The following CALN1 variants were observed in gnomAD, a reference collection of about 807,000 sequenced individuals.
The protein encoded by CALN1 is calcium-binding protein 8.
In CALN1, 17 loss-of-function variants were observed where a neutral mutation model predicts 30.6. The ratio of observed to expected loss-of-function variants is 0.56; its 90% CI spans 0.38 to 0.83. The LOEUF (loss-of-function observed/expected upper bound fraction) is 0.83. Among genes scored for constraint, CALN1 ranks in the 40% least tolerant of loss-of-function variants. CALN1 has a pLI of 0.00. For missense variants in CALN1, 291 were observed against 354.9 expected, an observed-to-expected ratio of 0.82 and a Z score of 1.45; for synonymous variants, 156 against 131.4, an observed-to-expected ratio of 1.19 and a Z score of -1.28.
At chr7:72,352,927 A>G (rs1184859466) in intron 2 of CALN1, among the ~76,000 whole-genome samples, 4 of 152,192 alleles carry the variant, frequency 2.6e-5, no homozygotes, top group African/African-American at 9.6e-5. Context: ...TCCTAACGAT[A>G]TAAAAAAGAA....
chr7:71,990,284 T>C (rs2129527770), intron 5 of CALN1, among the ~76,000 whole-genome samples: 1 of 152,206 alleles, frequency 6.6e-6, no homozygotes, highest in African/African-American at 2.4e-5. Flanking sequence ...GCCATGGCAA[T>C]GTCATATGGC....
At chr7:72,045,232 A>T (rs1250262480) in intron 4 of CALN1, among the ~76,000 whole-genome samples, 1 of 152,176 alleles carries the variant, frequency 6.6e-6, no homozygotes, top group African/African-American at 2.4e-5. Flanking sequence ...CTGCCAGGAA[A>T]GGGTAGGAAG....
intron 3 of CALN1, among the ~76,000 whole-genome samples, chr7:72,114,239 A>G (rs1807779681): frequency 1.3e-5 from 1 of 75,924 alleles, no homozygotes; most frequent in African/African-American, 5.4e-5. Context: ...GTAAAAATAA[A>G]AGTTGAAGGG....
intron 5 of CALN1, among the ~76,000 whole-genome samples, chr7:72,007,021 ACT>A (rs756851180): frequency 7.9e-5 from 12 of 151,926 alleles, no homozygotes; most frequent in Non-Finnish European, 1.8e-4. Flanking sequence ...TCATATCCAA[ACT>A]CCACACACTG....
intron 2 of CALN1, among the ~76,000 whole-genome samples, chr7:72,349,710 A>C (rs571831083): frequency 1.3e-5 from 2 of 152,332 alleles, no homozygotes; most frequent in East Asian, 1.9e-4. Context: ...GCTTATTTTC[A>C]AATGCTTATT....
chr7:71,797,465 A>C (rs1786998227), intron 6 of CALN1, among the ~76,000 whole-genome samples: 1 of 152,182 alleles, frequency 6.6e-6, no homozygotes, highest in Non-Finnish European at 1.5e-5. Context: ...TACACCAATG[A>C]TATCAGAAAT....
At chr7:71,882,129 T>A (rs1195666858) in intron 5 of CALN1, among the ~76,000 whole-genome samples, 3 of 152,178 alleles carry the variant, frequency 2.0e-5, no homozygotes, top group African/African-American at 7.2e-5. Flanking sequence ...ACGTTCCTTC[T>A]GGAAGCTCTA....
At chr7:71,808,839 C>T (rs1034986359) in intron 6 of CALN1, among the ~76,000 whole-genome samples, 6 of 152,110 alleles carry the variant, frequency 3.9e-5, no homozygotes, top group African/African-American at 7.2e-5. Context: ...CTGTCAGCCC[C>T]GAGCGAGATG....
At chr7:72,210,105 G>A (rs1354064075) in intron 3 of CALN1, among the ~76,000 whole-genome samples, 1 of 152,038 alleles carries the variant, frequency 6.6e-6, no homozygotes, top group Non-Finnish European at 1.5e-5. Context: ...CTATGAAGAA[G>A]GACAACTGCA....
chr7:72,076,134 C>T (rs1804709977), intron 4 of CALN1, among the ~76,000 whole-genome samples: 1 of 151,976 alleles, frequency 6.6e-6, no homozygotes, highest in Non-Finnish European at 1.5e-5. Flanking sequence ...GGCCAAGGAC[C>T]TCATTTCAAA....
chr7:72,464,759 T>G, the CALN1 span, among the ~76,000 whole-genome samples: 1 of 152,226 alleles, frequency 6.6e-6, no homozygotes, highest in Non-Finnish European at 1.5e-5. Flanking sequence ...CTGGCACTGA[T>G]AAGTTGGCTA....
intron 6 of CALN1, among the ~76,000 whole-genome samples, chr7:71,806,943 G>T (rs1163399992): frequency 6.6e-6 from 1 of 152,198 alleles, no homozygotes; most frequent in Non-Finnish European, 1.5e-5. Flanking sequence ...TGCTGTCTCA[G>T]TGTATTGGTC....
At chr7:72,107,151 T>C (rs1356906289) in intron 3 of CALN1, among the ~76,000 whole-genome samples, 1 of 152,112 alleles carries the variant, frequency 6.6e-6, no homozygotes. Context: ...CCAAGGACAC[T>C]TTCTGAGCAA....
At chr7:72,365,843 T>A (rs1020308821) in intron 2 of CALN1, among the ~76,000 whole-genome samples, 2 of 152,230 alleles carry the variant, frequency 1.3e-5, no homozygotes, top group African/African-American at 2.4e-5. Context: ...TCAGTGTGAG[T>A]GAGAGTATAT....
chr7:72,476,746 G>A, the CALN1 span, among the ~76,000 whole-genome samples: 1 of 152,196 alleles, frequency 6.6e-6, no homozygotes, highest in Admixed American at 6.5e-5. Context: ...CAATGATACT[G>A]AACACCTACC....
chr7:72,069,546 C>A (rs1804249838), intron 4 of CALN1, among the ~76,000 whole-genome samples: 2 of 152,098 alleles, frequency 1.3e-5, no homozygotes, highest in Non-Finnish European at 2.9e-5. Context: ...CCACTCCAAT[C>A]TCTGCTCCAT....
intron 2 of CALN1, among the ~76,000 whole-genome samples, chr7:72,348,760 T>C (rs568206632): frequency 6.6e-6 from 1 of 152,316 alleles, no homozygotes; most frequent in South Asian, 2.1e-4. Context: ...AGACTTGACC[T>C]AACAAAGCTT....
intron 2 of CALN1, among the ~76,000 whole-genome samples, chr7:72,380,847 G>C (rs2129560804): frequency 6.6e-6 from 1 of 152,234 alleles, no homozygotes; most frequent in Middle Eastern, 3.4e-3. Flanking sequence ...GTCTCAAAAA[G>C]AAAAGAAACA....
intron 2 of CALN1, among the ~76,000 whole-genome samples, chr7:72,359,228 C>G (rs1321756040): frequency 2.0e-5 from 3 of 152,150 alleles, no homozygotes; most frequent in Non-Finnish European, 4.4e-5. Flanking sequence ...CAGAGTCACT[C>G]TTGGCACCTT....
Sources: allele counts gnomAD v4.1 joint callset (sites outside exome capture counted in the v4.1 genomes callset), GRCh38; gene constraint gnomAD v4.1.1; transcripts MANE v1.5; gene names NCBI Gene and HGNC (gene_info 2026-07-23, HGNC 2026-07-21).